SND1: variants seen among roughly 807,000 people sequenced by gnomAD.
SND1 encodes staphylococcal nuclease domain-containing protein 1.
A neutral mutation model predicts 121.7 loss-of-function variants in SND1; 38 were observed. The ratio of observed to expected loss-of-function variants is 0.31; its 90% CI spans 0.24 to 0.41. The LOEUF (loss-of-function observed/expected upper bound fraction) is 0.41, where lower values mean the gene tolerates loss of function less well. Among genes scored for constraint, SND1 ranks in the 10% least tolerant of loss-of-function variants. SND1 has a pLI of 1.00. For synonymous variants in SND1, 401 were observed against 447.4 expected (o/e 0.90, Z 1.31); for missense variants, 868 against 1,184.6 (o/e 0.73, Z 3.92).
At position 128,084,948 on chromosome 7, in the gene SND1, G is replaced by A. The variant is rs539747628; in HGVS notation, c.2234+101G>A. On this transcript the variant is annotated intron_variant, in intron 19 of 23. Transcript: ENST00000354725. The stretch of plus-strand genomic sequence containing the variant: ...CCTTAGCAGTCTGGTTTCCCCAGCT[G>A]GTTAATGATGGCCCCTAGCAGCTCT... The A allele has an allele frequency of 8.2e-5, 100 of 1,215,004 alleles. No homozygotes were observed. In the African/African-American group the frequency reaches 1.4e-3, roughly 17 times the overall value. The allele number at this position is 1,215,004 out of a possible 1,614,324, so 75.3% of individuals were successfully genotyped here.
intron 12 of SND1, among the ~76,000 whole-genome samples, chr7:127,866,168 A>G (rs1163523608): frequency 6.6e-6 from 1 of 152,200 alleles, no homozygotes; most frequent in Non-Finnish European, 1.5e-5. Flanking sequence ...GGCCAGACAT[A>G]CTGAGCTCGA....
intron 11 of SND1, among the ~76,000 whole-genome samples, chr7:127,821,562 A>G (rs1798549452): frequency 6.6e-6 from 1 of 151,878 alleles, no homozygotes; most frequent in South Asian, 2.1e-4. Flanking sequence ...TTACATTGGG[A>G]TGATTTCTGT....
chr7:127,694,143 A>C (rs1355448659), intron 2 of SND1, among the ~76,000 whole-genome samples: 1 of 152,224 alleles, frequency 6.6e-6, no homozygotes, highest in East Asian at 1.9e-4. Flanking sequence ...AGACTAGAGC[A>C]GAAGTAGAAG....
chr7:127,930,863 A>G (rs1800944834), intron 15 of SND1, among the ~76,000 whole-genome samples: 1 of 152,096 alleles, frequency 6.6e-6, no homozygotes. Flanking sequence ...TTTTTTTTAT[A>G]GATAGGAGGA....
At chr7:127,893,798 C>T (rs1800061207) in intron 13 of SND1, among the ~76,000 whole-genome samples, 1 of 152,064 alleles carries the variant, frequency 6.6e-6, no homozygotes, top group African/African-American at 2.4e-5. Context: ...TGAACCTGCC[C>T]TCATCTCAGC....
chr7:127,902,530 G>A (rs1800253917), intron 13 of SND1, among the ~76,000 whole-genome samples: 1 of 152,168 alleles, frequency 6.6e-6, no homozygotes, highest in African/African-American at 2.4e-5. Context: ...TTGGGGAGGT[G>A]GAAGAGTTGG....
At chr7:127,735,467 C>T (rs891985861) in intron 10 of SND1, among the ~76,000 whole-genome samples, 4 of 152,140 alleles carry the variant, frequency 2.6e-5, no homozygotes, top group Admixed American at 2.6e-4. Context: ...AATCCTAGCA[C>T]TTTGGGAGGC....
intron 12 of SND1, among the ~76,000 whole-genome samples, chr7:127,882,291 A>G (rs1211780754): frequency 8.0e-5 from 12 of 150,042 alleles, no homozygotes; most frequent in Non-Finnish European, 1.5e-5. Flanking sequence ...CAATTAAGGC[A>G]GATCAAAGGC....
chr7:127,712,986 G>T (rs1796323418), intron 9 of SND1, among the ~76,000 whole-genome samples: 1 of 152,142 alleles, frequency 6.6e-6, no homozygotes. Context: ...AAATTATTTG[G>T]CTCACATTTG....
At chr7:127,947,913 A>G (rs991349372) in intron 15 of SND1, among the ~76,000 whole-genome samples, 3 of 152,194 alleles carry the variant, frequency 2.0e-5, no homozygotes, top group Non-Finnish European at 4.4e-5. Context: ...CATTGTGCCA[A>G]TAATGACCCC....
rs768437174 is a variant in SND1 at position 128,039,420 on chromosome 7, C to T, written c.1780-35082C>T. ...AGAGCTCAGGCCTTCCTAATTTTAT[C>T]GATAGCCCTAGCCCTACCCTGCTCT... is the stretch of plus-strand genomic sequence containing the variant. On this transcript the variant is annotated intron_variant, in intron 16 of 23. Coordinates refer to ENST00000354725, the MANE Select transcript of SND1 (RefSeq NM_014390.4). 4.6e-5 allele frequency among the ~76,000 whole-genome samples: 7 copies of T among 152,144 alleles called. No homozygotes were observed. The South Asian group carries it at 1.4e-3, about 32-fold the overall frequency.
At chr7:127,870,970 T>C (rs1195444645) in intron 12 of SND1, among the ~76,000 whole-genome samples, 1 of 152,114 alleles carries the variant, frequency 6.6e-6, no homozygotes, top group Non-Finnish European at 1.5e-5. Context: ...TTCTGTAAAC[T>C]TTTTTCTATT....
intron 16 of SND1, chr7:127,997,541 T>A (rs916037503): frequency 2.3e-5 from 8 of 353,468 alleles, no homozygotes; most frequent in African/African-American, 1.7e-4. Context: ...TTTTCCCATT[T>A]GCTCATGTAT....
intron 16 of SND1, among the ~76,000 whole-genome samples, chr7:128,068,237 C>T (rs1303862709): frequency 6.6e-6 from 1 of 151,980 alleles, no homozygotes; most frequent in Non-Finnish European, 1.5e-5. Flanking sequence ...CACATGCATG[C>T]ACATGCTCAC....
intron 1 of SND1, among the ~76,000 whole-genome samples, chr7:127,657,314 G>C (rs1795229557): frequency 6.6e-6 from 1 of 152,128 alleles, no homozygotes; most frequent in Admixed American, 6.5e-5. Context: ...GGACAGAGTG[G>C]TTTGTAGTAA....
intron 10 of SND1, among the ~76,000 whole-genome samples, chr7:127,783,817 A>G (rs893984493): frequency 1.3e-5 from 2 of 152,212 alleles, no homozygotes; most frequent in Non-Finnish European, 2.9e-5. Flanking sequence ...GTTTGGTGGC[A>G]ACTTTGGTCA....
At chr7:128,032,177 C>G (rs570212844) in intron 16 of SND1, 1 of 151,996 alleles carries the variant, frequency 6.6e-6, no homozygotes, top group African/African-American at 2.4e-5. Context: ...GCGCCGCTCC[C>G]CCTCCGTCGC....
chr7:128,024,413 C>T (rs865900306), intron 16 of SND1, among the ~76,000 whole-genome samples: 1 of 152,172 alleles, frequency 6.6e-6, no homozygotes, highest in Non-Finnish European at 1.5e-5. Context: ...TAATTTTAAG[C>T]CCCTGCTGCT....
intron 12 of SND1, among the ~76,000 whole-genome samples, chr7:127,861,991 A>G (rs1799388869): frequency 6.6e-6 from 1 of 152,228 alleles, no homozygotes; most frequent in African/African-American, 2.4e-5. Context: ...ATGTCTAGCA[A>G]TAAGACATTA....
Sources: allele counts gnomAD v4.1 joint callset (sites outside exome capture counted in the v4.1 genomes callset), GRCh38; gene constraint gnomAD v4.1.1; transcripts MANE v1.5; gene names NCBI Gene and HGNC (gene_info 2026-07-23, HGNC 2026-07-21).